CPQ: variants seen among roughly 807,000 people sequenced by gnomAD.
The protein encoded by CPQ is carboxypeptidase Q.
A neutral mutation model predicts 45.7 loss-of-function variants in CPQ; 37 were observed. The ratio of observed to expected loss-of-function variants is 0.81; its 90% CI spans 0.62 to 1.07. CPQ has a LOEUF of 1.07. CPQ is among the 50% of genes least tolerant of loss of function. The pLI is 0.00. For synonymous variants in CPQ, 186 were observed against 205.8 expected, an observed-to-expected ratio of 0.90 and a Z score of 0.82; for missense variants, 537 against 572.9, an observed-to-expected ratio of 0.94 and a Z score of 0.64.
chr8:96,752,552 A>G (rs1029688532), intron 1 of CPQ, among the ~76,000 whole-genome samples: 3 of 152,290 alleles, frequency 2.0e-5, no homozygotes, highest in East Asian at 3.9e-4. Flanking sequence ...TTTTCTAGAT[A>G]TAAGATCATG....
chr8:96,715,258 C>A (rs1379425896), intron 1 of CPQ, among the ~76,000 whole-genome samples: 1 of 152,122 alleles, frequency 6.6e-6, no homozygotes, highest in African/African-American at 2.4e-5. Context: ...ACAGTGAGTT[C>A]TCTGCAGGGG....
chr8:96,698,791 C>T (rs1809419602), intron 1 of CPQ, among the ~76,000 whole-genome samples: 2 of 152,132 alleles, frequency 1.3e-5, no homozygotes. Context: ...TATCATCTCA[C>T]CCCAGTTACA....
At chr8:96,791,397 T>G (rs1198438941) in intron 2 of CPQ, among the ~76,000 whole-genome samples, 1 of 152,178 alleles carries the variant, frequency 6.6e-6, no homozygotes, top group African/African-American at 2.4e-5. Context: ...GAAAGTTTTC[T>G]TATTCCCATT....
chr8:96,840,999 C>G (rs957013908), intron 3 of CPQ, among the ~76,000 whole-genome samples: 2 of 152,120 alleles, frequency 1.3e-5, no homozygotes, highest in African/African-American at 4.8e-5. Context: ...ATGGGATGTC[C>G]CCCCTCTTAT....
chr8:96,694,057 T>C (rs1225260845), intron 1 of CPQ, among the ~76,000 whole-genome samples: 1 of 152,146 alleles, frequency 6.6e-6, no homozygotes, highest in East Asian at 1.9e-4. Flanking sequence ...AATAATGGGT[T>C]ATAAGATGGT....
chr8:96,884,175 A>T (rs1311997445), intron 4 of CPQ, among the ~76,000 whole-genome samples: 1 of 152,162 alleles, frequency 6.6e-6, no homozygotes, highest in African/African-American at 2.4e-5. Flanking sequence ...CTAACAGCAA[A>T]GTTATAAAAC....
At chr8:96,814,846 C>T (rs1811205683) in intron 2 of CPQ, among the ~76,000 whole-genome samples, 1 of 152,130 alleles carries the variant, frequency 6.6e-6, no homozygotes, top group Non-Finnish European at 1.5e-5. Flanking sequence ...GAATGAAGTA[C>T]TGGTGCATGC....
At chr8:97,081,169 T>C (rs2130551544) in intron 7 of CPQ, among the ~76,000 whole-genome samples, 1 of 152,288 alleles carries the variant, frequency 6.6e-6, no homozygotes, top group South Asian at 2.1e-4. Flanking sequence ...CTTTTAAAAA[T>C]GAAGTTACAC....
intron 3 of CPQ, among the ~76,000 whole-genome samples, chr8:96,837,549 A>G (rs1811546414): frequency 1.3e-5 from 2 of 151,390 alleles, no homozygotes; most frequent in South Asian, 4.2e-4. Context: ...TTCCTTCCCT[A>G]TATCTCTGGC....
At chr8:96,999,085 G>C (rs545313367) in intron 5 of CPQ, among the ~76,000 whole-genome samples, 7 of 151,872 alleles carry the variant, frequency 4.6e-5, no homozygotes, top group Non-Finnish European at 1.0e-4. Context: ...CCATTTTACA[G>C]ATGAGGAACC....
intron 6 of CPQ, among the ~76,000 whole-genome samples, chr8:97,043,245 CTTCT>C (rs1810165535): frequency 6.6e-6 from 1 of 151,858 alleles, no homozygotes; most frequent in African/African-American, 2.4e-5. Context: ...ATGTAATGGC[CTTCT>C]TTGTCTCTTT....
chr8:96,729,666 T>C (rs1417294697), intron 1 of CPQ, among the ~76,000 whole-genome samples: 2 of 152,192 alleles, frequency 1.3e-5, no homozygotes, highest in Non-Finnish European at 2.9e-5. Flanking sequence ...TACATATTTT[T>C]CTTAAAAATG....
intron 5 of CPQ, among the ~76,000 whole-genome samples, chr8:96,990,341 C>T (rs1279134359): frequency 6.6e-6 from 1 of 152,190 alleles, no homozygotes; most frequent in Non-Finnish European, 1.5e-5. Flanking sequence ...CCTCCCAGCA[C>T]CTACTGCCAG....
chr8:96,898,515 G>A (rs1023896185), intron 4 of CPQ, among the ~76,000 whole-genome samples: 8 of 151,700 alleles, frequency 5.3e-5, no homozygotes, highest in African/African-American at 1.9e-4. Flanking sequence ...AAGATAATCA[G>A]GTGATTGTGA....
At chr8:97,091,242 A>G (rs571226907) in intron 7 of CPQ, among the ~76,000 whole-genome samples, 7 of 152,348 alleles carry the variant, frequency 4.6e-5, no homozygotes, top group African/African-American at 1.4e-4. Flanking sequence ...TTTAATTAGT[A>G]AAGATGCAGC....
intron 5 of CPQ, among the ~76,000 whole-genome samples, chr8:97,019,168 C>T (rs944080785): frequency 2.0e-5 from 3 of 152,148 alleles, no homozygotes; most frequent in African/African-American, 4.8e-5. Context: ...CTTTTTCAGA[C>T]AAACAAATGC....
At chr8:96,829,947 G>C (rs1394053758) in intron 2 of CPQ, among the ~76,000 whole-genome samples, 1 of 152,118 alleles carries the variant, frequency 6.6e-6, no homozygotes, top group African/African-American at 2.4e-5. Context: ...ATTTTGATCT[G>C]TAAGGCATAT....
chr8:97,040,799 C>T (rs142639683), intron 6 of CPQ, among the ~76,000 whole-genome samples: 3,372 of 152,126 alleles, frequency 0.022, 104 homozygotes, highest in African/African-American at 0.071. Context: ...GTTGAAGATA[C>T]GTGGCATTAT....
chr8:96,765,775 C>T (rs115027966), intron 1 of CPQ, among the ~76,000 whole-genome samples: 47 of 152,256 alleles, frequency 3.1e-4, no homozygotes, highest in African/African-American at 1.1e-3. Flanking sequence ...CATGGAACAG[C>T]GGATTCTTAA....
Sources: allele counts gnomAD v4.1 joint callset (sites outside exome capture counted in the v4.1 genomes callset), GRCh38; gene constraint gnomAD v4.1.1; transcripts MANE v1.5; gene names NCBI Gene and HGNC (gene_info 2026-07-23, HGNC 2026-07-21).